FSTL4: variants seen among roughly 807,000 people sequenced by gnomAD.
FSTL4 encodes follistatin-related protein 4.
A neutral mutation model predicts 78.2 loss-of-function variants in FSTL4; 28 were observed. The observed-to-expected ratio is 0.36, with a 90% CI of 0.27 to 0.49. The LOEUF is 0.49. Among genes scored for constraint, FSTL4 ranks in the 20% least tolerant of loss-of-function variants. The probability of loss-of-function intolerance (pLI) is 0.98; values close to 1 mark genes in which losing one functional copy is unlikely to be tolerated. For synonymous variants in FSTL4, 422 were observed against 440.5 expected (o/e 0.96, Z 0.53); for missense variants, 922 against 1,084.9 (o/e 0.85, Z 2.11).
At chr5:133,687,835 G>A in the FSTL4 span, among the ~76,000 whole-genome samples, 8 of 152,166 alleles carry the variant, frequency 5.3e-5, no homozygotes, top group African/African-American at 1.7e-4. Context: ...GCAGGCTGGC[G>A]CCATGGCTAT....
In FSTL4 at chr5:133,238,644, C is replaced by T. The variant is rs574526341; in HGVS notation, c.895-5107G>A. ...CACATGCAGTACATGCGAGTGTGCACACATGGGGGAGGGAGCGCACCCAAA... is the reference window on the plus strand; with the variant it reads ...CACATGCAGTACATGCGAGTGTGCATACATGGGGGAGGGAGCGCACCCAAA... On this transcript the variant is annotated intron_variant, in intron 7 of 15. Transcript: ENST00000265342. Among the ~76,000 whole-genome samples, 138 of 152,310 alleles carry T rather than the reference C, an allele frequency of 9.1e-4. 1 individual carries two copies. Among genetic ancestry groups the T allele is most frequent in the African/African-American group, 3.0e-3 (125 of 41,568 alleles).
At chr5:133,723,009 G>T in the FSTL4 span, among the ~76,000 whole-genome samples, 1 of 152,174 alleles carries the variant, frequency 6.6e-6, no homozygotes, top group Non-Finnish European at 1.5e-5. Context: ...CATAAATGAG[G>T]TGATTTCTCT....
At chr5:133,369,555 C>T (rs375931485) in intron 4 of FSTL4, among the ~76,000 whole-genome samples, 14 of 152,332 alleles carry the variant, frequency 9.2e-5, no homozygotes, top group Middle Eastern at 6.8e-3. Context: ...AGGCTTGTTC[C>T]GTCACAACCT....
rs35896018 is a variant in FSTL4, at chr5:133,234,100, T to C, written c.895-563A>G. 5.9e-3 allele frequency among the ~76,000 whole-genome samples: 898 copies of C among 152,282 alleles called. 5 individuals are homozygous for C. The highest frequency in any genetic ancestry group is 0.016 in the East Asian group (81 of 5,174). Reference sequence around the variant, plus strand: ...TGGCTGTGTTCCACTGAAGTTTTATTTAAAGTTGGTGGCCTGGATTTGGCC... The same window carrying C: ...TGGCTGTGTTCCACTGAAGTTTTATCTAAAGTTGGTGGCCTGGATTTGGCC... On this transcript the variant is annotated intron_variant, in intron 7 of 15. Coordinates refer to ENST00000265342, the MANE Select transcript of FSTL4 (RefSeq NM_015082.2).
Position 133,233,629 on chromosome 5 carries a change from C to T in FSTL4, c.895-92G>A, listed in dbSNP as rs1391740954. The T allele has an allele frequency of 4.7e-6, 7 of 1,487,496 alleles. No homozygotes were observed. The Admixed American group carries it at 7.1e-5, about 15-fold the overall frequency. 92.1% of individuals were successfully genotyped at this position (1,487,496 alleles called of 1,614,324 possible). A position where few individuals can be genotyped will look rare whatever the true frequency, so the allele number is the denominator to read the frequency against. ...TCCTGGTTTTCCAGAAATCCTGCAG[C>T]TGGGAGAGAGTTCCTTTCTGCCTGG... On this transcript the variant is annotated intron_variant, in intron 7 of 15. Coordinates refer to ENST00000265342, the MANE Select transcript of FSTL4 (RefSeq NM_015082.2).
chr5:133,642,549 A>G, the FSTL4 span, among the ~76,000 whole-genome samples: 1 of 152,182 alleles, frequency 6.6e-6, no homozygotes, highest in Non-Finnish European at 1.5e-5. Context: ...ACACTTCTGT[A>G]CACCGCCCAT....
intron 4 of FSTL4, among the ~76,000 whole-genome samples, chr5:133,317,176 C>T (rs1263201889): frequency 6.6e-6 from 1 of 152,116 alleles, no homozygotes; most frequent in Admixed American, 6.6e-5. Context: ...TCAAAACAAA[C>T]ATATACACAA....
intron 3 of FSTL4, among the ~76,000 whole-genome samples, chr5:133,471,551 G>A (rs1757827049): frequency 6.6e-6 from 1 of 152,152 alleles, no homozygotes; most frequent in African/African-American, 2.4e-5. Context: ...GCTGAAAGGT[G>A]CCATCTATGA....
chr5:133,481,170 T>C (rs1212905613), intron 3 of FSTL4, among the ~76,000 whole-genome samples: 6 of 152,228 alleles, frequency 3.9e-5, no homozygotes, highest in Non-Finnish European at 8.8e-5. Flanking sequence ...TGTTGCTCTC[T>C]GGCCTTGAGA....
chr5:133,727,470 A>T, the FSTL4 span, among the ~76,000 whole-genome samples: 2 of 152,214 alleles, frequency 1.3e-5, no homozygotes, highest in Non-Finnish European at 2.9e-5. Context: ...CCCACTGGGC[A>T]CACCTGGGGA....
At chr5:133,327,406 T>C (rs1754239250) in intron 4 of FSTL4, among the ~76,000 whole-genome samples, 1 of 152,230 alleles carries the variant, frequency 6.6e-6, no homozygotes. Context: ...AAACACAGTT[T>C]TAGCAAACAT....
chr5:133,721,234 C>T, the FSTL4 span, among the ~76,000 whole-genome samples: 1 of 152,148 alleles, frequency 6.6e-6, no homozygotes, highest in Admixed American at 6.5e-5. Flanking sequence ...ATTGTATATT[C>T]TTTAACAACT....
the FSTL4 span, among the ~76,000 whole-genome samples, chr5:133,704,701 G>T: frequency 6.6e-6 from 1 of 152,234 alleles, no homozygotes; most frequent in Non-Finnish European, 1.5e-5. Context: ...TGTCAGCAGC[G>T]TGGGCTTCAC....
chr5:133,614,068 C>G (rs1761158806), upstream of FSTL4, among the ~76,000 whole-genome samples: 1 of 152,156 alleles, frequency 6.6e-6, no homozygotes, highest in South Asian at 2.1e-4. Context: ...TGCTGTGCCT[C>G]CCTCTGAAAT....
intron 3 of FSTL4, among the ~76,000 whole-genome samples, chr5:133,513,648 A>G (rs558202106): frequency 2.6e-5 from 4 of 152,194 alleles, no homozygotes; most frequent in African/African-American, 7.2e-5. Context: ...AAAGGCTTCT[A>G]AACATCCTGA....
chr5:133,650,474 T>C, the FSTL4 span, among the ~76,000 whole-genome samples: 1 of 152,222 alleles, frequency 6.6e-6, no homozygotes, highest in African/African-American at 2.4e-5. Context: ...AGTTAATTTT[T>C]GTGAAGAGTG....
intron 1 of FSTL4, 50 bp from the exon 2 acceptor site, chr5:133,604,043 T>C (rs1760926127): frequency 2.2e-6 from 3 of 1,375,752 alleles, no homozygotes; most frequent in Non-Finnish European, 3.1e-6. Flanking sequence ...GAGATGGATA[T>C]AATAAGTCAC....
chr5:133,624,096 C>T, the FSTL4 span, among the ~76,000 whole-genome samples: 1 of 151,856 alleles, frequency 6.6e-6, no homozygotes, highest in Non-Finnish European at 1.5e-5. Flanking sequence ...CAATTCCACC[C>T]CTAAGTATAT....
chr5:133,566,882 T>C (rs972688085), intron 3 of FSTL4, among the ~76,000 whole-genome samples: 1 of 152,220 alleles, frequency 6.6e-6, no homozygotes, highest in Non-Finnish European at 1.5e-5. Flanking sequence ...CTAATAATTA[T>C]TCCAAACTTC....
Sources: gnomAD v4.1 joint callset for allele counts (sites outside exome capture counted in the v4.1 genomes callset) on GRCh38, gnomAD v4.1.1 for gene constraint, MANE v1.5 for transcripts, NCBI Gene and HGNC (gene_info 2026-07-23, HGNC 2026-07-21) for gene names.